The following PNPLA1 variants were observed in gnomAD, a reference collection of about 807,000 sequenced individuals.
The protein encoded by PNPLA1 is patatin like domain 1, omega-hydroxyceramide transacylase, also known as omega-hydroxyceramide transacylase.
Under a neutral mutation model 51.7 loss-of-function variants are expected in PNPLA1, and 36 were observed. The ratio of observed to expected loss-of-function variants is 0.70; its 90% CI spans 0.53 to 0.92. PNPLA1 has a LOEUF of 0.92. PNPLA1 is among the 40% of genes least tolerant of loss of function. The probability of loss-of-function intolerance (pLI) is 0.00; values close to 1 mark genes in which losing one functional copy is unlikely to be tolerated. For synonymous variants in PNPLA1, 293 were observed against 280.1 expected, an observed-to-expected ratio of 1.05 and a Z score of -0.46; for missense variants, 658 against 682.5, an observed-to-expected ratio of 0.96 and a Z score of 0.40.
At chr6:36,282,044 G>GGAAAGAAAGAAAGAAAGAAAGAAAGAAA (rs553265176) in intron 1 of PNPLA1, among the ~76,000 whole-genome samples, 18 of 34,564 alleles carry the variant, frequency 5.2e-4, no homozygotes, top group East Asian at 2.5e-3. Flanking sequence ...AAAGAAAGAA[G>GGAAAGAAAGAAAGAAAGAAAGAAAGAAA]GAAAGAAAGA....
chr6:36,282,520 A>G (rs994168589), intron 1 of PNPLA1, among the ~76,000 whole-genome samples: 2 of 152,178 alleles, frequency 1.3e-5, no homozygotes, highest in Non-Finnish European at 2.9e-5. Flanking sequence ...AAAGCTTTGA[A>G]TGTGTTGGTT....
At chr6:36,248,700 G>A (rs1002834826) in intron 1 of PNPLA1, among the ~76,000 whole-genome samples, 1 of 152,058 alleles carries the variant, frequency 6.6e-6, no homozygotes, top group Non-Finnish European at 1.5e-5. Flanking sequence ...TGTACTTTTA[G>A]CAGAGACAAG....
At chr6:36,298,364 T>C (rs1770923631) in intron 5 of PNPLA1, among the ~76,000 whole-genome samples, 1 of 152,210 alleles carries the variant, frequency 6.6e-6, no homozygotes, top group South Asian at 2.1e-4. Flanking sequence ...TACCTAGAAA[T>C]GGAATGACGG....
chr6:36,291,642 T>G, intron 2 of PNPLA1, 90 bp downstream of exon 2: 1 of 1,092,316 alleles, frequency 9.2e-7, no homozygotes. Flanking sequence ...CGATGCCTTA[T>G]CCACCTGCCT....
chr6:36,255,029 C>T (rs113747825), intron 1 of PNPLA1, among the ~76,000 whole-genome samples: 1 of 152,188 alleles, frequency 6.6e-6, no homozygotes, highest in Non-Finnish European at 1.5e-5. Flanking sequence ...CTGATCATAA[C>T]TTAACATAAT....
chr6:36,284,892 T>C (rs1022020164), intron 1 of PNPLA1, among the ~76,000 whole-genome samples: 4 of 152,164 alleles, frequency 2.6e-5, no homozygotes, highest in Non-Finnish European at 5.9e-5. Context: ...CCAGAGGGTC[T>C]CTGTAAACCT....
intron 5 of PNPLA1, among the ~76,000 whole-genome samples, chr6:36,299,377 C>G (rs1770960134): frequency 6.7e-6 from 1 of 150,034 alleles, no homozygotes; most frequent in Non-Finnish European, 1.5e-5. Context: ...CTCTGTCACC[C>G]AGGCTGGAGT....
intron 4 of PNPLA1, 61 bp from the exon 5 acceptor site, chr6:36,295,303 G>A: frequency 6.4e-7 from 1 of 1,570,532 alleles, no homozygotes; most frequent in South Asian, 1.1e-5. Flanking sequence ...CTGGGTCGGG[G>A]GAACTGTGGC....
Position 36,294,456 on chromosome 6 carries a change from GT to G in PNPLA1, c.714+59del. The G allele has an allele frequency of 6.5e-7, 1 of 1,526,870 alleles. No homozygotes were observed. The highest frequency in any genetic ancestry group is 9.0e-7 in the Non-Finnish European group (1 of 1,109,834). The allele number at this position is 1,526,870 out of a possible 1,614,324, so 94.6% of individuals were successfully genotyped here. ...GAAGGTACCAGGGACTAGGGGTGGGGTTAGAGAGCCACTGGGGCCCACTCAA... is the reference window on the plus strand; with the variant it reads ...GAAGGTACCAGGGACTAGGGGTGGGGTAGAGAGCCACTGGGGCCCACTCAA... On this transcript the variant is annotated intron_variant, in intron 4 of 8. Coordinates refer to ENST00000636260, the MANE Select transcript of PNPLA1 (RefSeq NM_001374623.1). This position sits in a 1 kb window ranked among gnomAD's most constrained non-coding sequence, Gnocchi z 4.2.
intron 5 of PNPLA1, among the ~76,000 whole-genome samples, chr6:36,296,472 A>T (rs1770860616): frequency 6.6e-6 from 1 of 152,138 alleles, no homozygotes; most frequent in African/African-American, 2.4e-5. Context: ...TTGCTTGATC[A>T]TTCCTTTGAG....
chr6:36,302,192 G>C lies in PNPLA1; in HGVS notation c.1107G>C (p.Met369Ile). ...ASSTPLSLSGMPPVSFPAVHK... is the reference protein window; with the variant it reads ...ASSTPLSLSGIPPVSFPAVHK... The stretch of plus-strand genomic sequence containing the variant: ...CAACTCCACTTTCTCTAAGTGGCAT[G>C]CCACCTGTATCATTCCCAGCTGTGC... Residue 369 changes from methionine to isoleucine, a missense_variant, in exon 6 of 9, where the codon ATG becomes ATC. Met to Ile is a conservative substitution (Grantham distance 10). Coordinates refer to ENST00000636260, the MANE Select transcript of PNPLA1 (RefSeq NM_001374623.1). The C allele has an allele frequency of 6.2e-7, 1 of 1,614,172 alleles. No homozygotes were observed. The highest frequency in any genetic ancestry group is 8.5e-7 in the Non-Finnish European group (1 of 1,180,038).
At chr6:36,289,788 A>G (rs929913504) in intron 1 of PNPLA1, among the ~76,000 whole-genome samples, 3 of 128,234 alleles carry the variant, frequency 2.3e-5, no homozygotes, top group Non-Finnish European at 5.0e-5. Flanking sequence ...TGCGTCTGTA[A>G]AATGGTGCTG....
At chr6:36,296,496 G>C (rs966395260) in intron 5 of PNPLA1, among the ~76,000 whole-genome samples, 1 of 152,092 alleles carries the variant, frequency 6.6e-6, no homozygotes, top group African/African-American at 2.4e-5. Context: ...CCAAATGTTC[G>C]TGATTATGAG....
At chr6:36,306,399 A>G in intron 7 of PNPLA1, 23 bp downstream of exon 7, 2 of 1,592,660 alleles carry the variant, frequency 1.3e-6, no homozygotes, top group Non-Finnish European at 1.7e-6. Flanking sequence ...TTCGTGGAGC[A>G]CGCTCTTTCC....
At chr6:36,305,722 C>T (rs1450323758) in intron 6 of PNPLA1, among the ~76,000 whole-genome samples, 2 of 150,482 alleles carry the variant, frequency 1.3e-5, no homozygotes, top group Non-Finnish European at 3.0e-5. Flanking sequence ...CTGCTTTCTG[C>T]GAGGGAGCTA....
Position 36,294,416 on chromosome 6 carries a change from G to A in PNPLA1, c.714+17G>A, listed in dbSNP as rs1306810277. 6.2e-7 allele frequency: 1 copy of A among 1,609,460 alleles called. No homozygotes were observed. Among genetic ancestry groups the A allele is most frequent in the East Asian group, 2.2e-5 (1 of 44,838 alleles). On this transcript the variant is annotated intron_variant, in intron 4 of 8. Transcript: ENST00000636260. This position sits in a 1 kb window ranked among gnomAD's most constrained non-coding sequence, Gnocchi z 4.2. Reference sequence around the variant, plus strand: ...GACCTGGTGGTGAGAGGCAGGAGGGGTCTGGGGAGTAGCAGAAGGTACCAG... The same window carrying A: ...GACCTGGTGGTGAGAGGCAGGAGGGATCTGGGGAGTAGCAGAAGGTACCAG...
intron 1 of PNPLA1, among the ~76,000 whole-genome samples, chr6:36,290,867 C>A (rs552171360): frequency 1.3e-5 from 2 of 152,254 alleles, no homozygotes; most frequent in African/African-American, 4.8e-5. Context: ...AGCAAGTATC[C>A]CAGGGCGTCA....
upstream of PNPLA1, among the ~76,000 whole-genome samples, chr6:36,267,376 T>G (rs1338031881): frequency 6.6e-6 from 1 of 152,204 alleles, no homozygotes; most frequent in Non-Finnish European, 1.5e-5. Flanking sequence ...GCTCAGCCTT[T>G]GGGGTCCAGG....
At chr6:36,301,584 T>C (rs1301612834) in intron 5 of PNPLA1, among the ~76,000 whole-genome samples, 1 of 152,206 alleles carries the variant, frequency 6.6e-6, no homozygotes, top group Non-Finnish European at 1.5e-5. Context: ...ATCCCTCAGA[T>C]GACCTGCCCT....
Sources: gnomAD v4.1 joint callset for allele counts (sites outside exome capture counted in the v4.1 genomes callset) on GRCh38, gnomAD v4.1.1 for gene constraint, Gnocchi (gnomAD v3.1) non-coding constraint, MANE v1.5 for transcripts, NCBI Gene and HGNC (gene_info 2026-07-23, HGNC 2026-07-21) for gene names.